Variants in STIM1 observed in about 807,000 individuals in gnomAD.
STIM1 encodes stromal interaction molecule 1.
Under a neutral mutation model 74.7 loss-of-function variants are expected in STIM1, and 25 were observed. The observed-to-expected ratio is 0.33, with a 90% CI of 0.24 to 0.47. STIM1 has a LOEUF of 0.47. Ranked by LOEUF, STIM1 falls within the 20% of genes least tolerant of loss-of-function variation. STIM1 has a pLI of 1.00. For missense variants in STIM1, 728 were observed against 920.8 expected (o/e 0.79, Z 2.71); for synonymous variants, 328 against 348.8 (o/e 0.94, Z 0.66).
intron 1 of STIM1, among the ~76,000 whole-genome samples, chr11:3,917,004 C>T (rs762349470): frequency 1.2e-4 from 18 of 152,236 alleles, no homozygotes; most frequent in Non-Finnish European, 2.2e-4. Flanking sequence ...ACATTTCCTC[C>T]TCCTCGGATC....
rs1230380600 is a variant in STIM1, at chr11:4,092,581, C to T, written c.*783C>T. The T allele has an allele frequency of 6.5e-6, 1 of 152,868 alleles. No homozygotes were observed. Among genetic ancestry groups the T allele is most frequent in the East Asian group, 1.9e-4 (1 of 5,190 alleles). The allele number at this position is 152,868 out of a possible 1,614,324, so 9.5% of individuals were successfully genotyped here. A position where few individuals can be genotyped will look rare whatever the true frequency, so the allele number is the denominator to read the frequency against. ...TCCCTCTTACCCCTGCTCCCCCACA[C>T]TGCAGGAGGATTTGTCTCTAAGAGG... is the stretch of plus-strand genomic sequence containing the variant. On this transcript the variant is annotated 3_prime_UTR_variant, in exon 13 of 13. Coordinates refer to ENST00000526596, the MANE Select transcript of STIM1 (RefSeq NM_001382567.1).
intron 8 of STIM1, among the ~76,000 whole-genome samples, chr11:4,082,666 A>G (rs1028198325): frequency 6.6e-6 from 1 of 152,172 alleles, no homozygotes; most frequent in South Asian, 2.1e-4. Flanking sequence ...AGGGCTATCA[A>G]GGACCCCTTT....
At chr11:4,033,958 C>T (rs888083708) in intron 3 of STIM1, among the ~76,000 whole-genome samples, 13 of 151,762 alleles carry the variant, frequency 8.6e-5, no homozygotes, top group Admixed American at 5.9e-4. Flanking sequence ...GGGCCAGATG[C>T]GGTGGCTTAT....
At chr11:3,944,932 G>T (rs1009369015) in intron 1 of STIM1, among the ~76,000 whole-genome samples, 1 of 152,104 alleles carries the variant, frequency 6.6e-6, no homozygotes, top group Non-Finnish European at 1.5e-5. Context: ...TTTATCTAGT[G>T]ACTCCTCATT....
chr11:3,972,904 C>A (rs949533458), intron 2 of STIM1: 1 of 495,302 alleles, frequency 2.0e-6, no homozygotes, highest in African/African-American at 2.0e-5. Flanking sequence ...TCCAAAGTTT[C>A]CTCCTTTCGT....
intron 2 of STIM1, among the ~76,000 whole-genome samples, chr11:3,980,379 C>G (rs1407439597): frequency 6.6e-6 from 1 of 152,098 alleles, no homozygotes; most frequent in African/African-American, 2.4e-5. Flanking sequence ...ACTGTATTTC[C>G]TTACTCTATG....
At chr11:4,048,987 G>A (rs1174364377) in intron 3 of STIM1, among the ~76,000 whole-genome samples, 4 of 152,206 alleles carry the variant, frequency 2.6e-5, no homozygotes, top group Non-Finnish European at 5.9e-5. Context: ...GCCCGCCTCG[G>A]CCTCCCAAAG....
chr11:3,926,605 C>T (rs1176855719), intron 1 of STIM1, among the ~76,000 whole-genome samples: 2 of 152,220 alleles, frequency 1.3e-5, no homozygotes, highest in South Asian at 2.1e-4. Context: ...CCAGCAAATA[C>T]TTTGTGTGGA....
intron 2 of STIM1, among the ~76,000 whole-genome samples, chr11:3,975,751 CAA>C (rs1169837691): frequency 1.3e-5 from 2 of 152,164 alleles, no homozygotes; most frequent in Non-Finnish European, 2.9e-5. Context: ...AAAAGATACT[CAA>C]TATTATTAAC....
intron 2 of STIM1, among the ~76,000 whole-genome samples, chr11:4,021,071 TTTCA>T (rs1198692585): frequency 6.6e-6 from 1 of 152,156 alleles, no homozygotes; most frequent in Non-Finnish European, 1.5e-5. Context: ...TCTCTTCACT[TTTCA>T]TTGTTTCCAT....
chr11:3,944,852 A>G (rs1168736060), intron 1 of STIM1, among the ~76,000 whole-genome samples: 1 of 152,180 alleles, frequency 6.6e-6, no homozygotes, highest in African/African-American at 2.4e-5. Context: ...GGGTTTTCCT[A>G]TCTCTAGAGG....
chr11:4,055,953 G>A (rs560634708), intron 4 of STIM1, among the ~76,000 whole-genome samples: 16 of 152,324 alleles, frequency 1.1e-4, no homozygotes, highest in South Asian at 2.1e-4. Flanking sequence ...CATCAGTCCT[G>A]TAAGGTGGGT....
chr11:3,958,631 T>C (rs2093247377), intron 1 of STIM1, among the ~76,000 whole-genome samples: 4 of 152,226 alleles, frequency 2.6e-5, no homozygotes, highest in Middle Eastern at 6.8e-3. Flanking sequence ...CTGGGGACCT[T>C]TCTTGGATAA....
rs201780058 is a variant in STIM1, at chr11:3,967,695, A to G, written c.270+13A>G. ...AGAAAGTGATGAGGTGAGCTCTCCC[A>G]TCCTGCTATGTCTCTCTTTTCTTCC... On this transcript the variant is annotated intron_variant, in intron 2 of 12. Coordinates refer to ENST00000526596, the MANE Select transcript of STIM1 (RefSeq NM_001382567.1). 18 of 1,614,138 alleles carry G rather than the reference A, an allele frequency of 1.1e-5. No homozygotes were observed. Among genetic ancestry groups the G allele is most frequent in the Admixed American group, 5.0e-5 (3 of 60,024 alleles).
Position 3,933,693 on chromosome 11 carries a change from T to TC in STIM1, c.140-33855dup, listed in dbSNP as rs567884850. ...TAGATAACCTAGAGTCTCTCTCTCT[T>TC]CCCCGCCGCCCGCCGTCTACAATGT... On this transcript the variant is annotated intron_variant, in intron 1 of 12. Transcript: ENST00000526596. 1.7e-3 allele frequency among the ~76,000 whole-genome samples: 261 copies of TC among 152,206 alleles called. No individual in the cohort carries two copies. The Middle Eastern group carries it at 0.02, about 12-fold the overall frequency.
chr11:4,064,392 T>G (rs1299911605), intron 5 of STIM1, among the ~76,000 whole-genome samples: 1 of 152,106 alleles, frequency 6.6e-6, no homozygotes. Flanking sequence ...TAATACCCAT[T>G]TAGGAGGCCT....
At chr11:3,912,540 A>G (rs1438295722) in intron 1 of STIM1, among the ~76,000 whole-genome samples, 6 of 151,724 alleles carry the variant, frequency 4.0e-5, no homozygotes, top group African/African-American at 1.2e-4. Flanking sequence ...AATTTTTTGT[A>G]TTTTTAGTAG....
At chr11:4,080,240 T>G (rs770660752) in intron 7 of STIM1, among the ~76,000 whole-genome samples, 1 of 152,112 alleles carries the variant, frequency 6.6e-6, no homozygotes, top group Non-Finnish European at 1.5e-5. Context: ...AATGAGACCC[T>G]GTCTCAAAAT....
At chr11:3,880,854 A>C (rs1474380032) in intron 1 of STIM1, among the ~76,000 whole-genome samples, 1 of 152,184 alleles carries the variant, frequency 6.6e-6, no homozygotes, top group Non-Finnish European at 1.5e-5. Flanking sequence ...TACATGGACC[A>C]ATACATCCTA....
Sources: gnomAD v4.1 joint callset for allele counts (sites outside exome capture counted in the v4.1 genomes callset) on GRCh38, gnomAD v4.1.1 for gene constraint, MANE v1.5 for transcripts, NCBI Gene and HGNC (gene_info 2026-07-23, HGNC 2026-07-21) for gene names.